Variants in TANK observed in about 807,000 individuals in gnomAD.
TANK encodes the protein TRAF family member-associated NF-kappa-B activator.
A neutral mutation model predicts 43.6 loss-of-function variants in TANK; 15 were observed. The ratio of observed to expected loss-of-function variants is 0.34; its 90% CI spans 0.23 to 0.53. TANK has a LOEUF of 0.53. TANK is among the 20% of genes least tolerant of loss of function. The pLI is 0.94. For missense variants in TANK, 417 were observed against 498.6 expected (o/e 0.84, Z 1.56); for synonymous variants, 162 against 178.2 (o/e 0.91, Z 0.73).
chr2:161,230,622 C>T (rs1442594552), intron 6 of TANK, among the ~76,000 whole-genome samples: 1 of 152,200 alleles, frequency 6.6e-6, no homozygotes, highest in African/African-American at 2.4e-5. Context: ...TCTAAGCAAA[C>T]TCACAGTTAT....
chr2:161,231,699 T>C, intron 7 of TANK, 148 bp downstream of exon 7: 3 of 716,264 alleles, frequency 4.2e-6, no homozygotes. Context: ...ACAAGTCCCA[T>C]AATAAATGAC....
chr2:161,138,715 T>C (rs1683658275), intron 1 of TANK, among the ~76,000 whole-genome samples: 1 of 152,230 alleles, frequency 6.6e-6, no homozygotes, highest in African/African-American at 2.4e-5. Flanking sequence ...GTCTAGTTAC[T>C]TCTTTTAAAC....
intron 2 of TANK, among the ~76,000 whole-genome samples, chr2:161,191,828 C>G (rs1417416302): frequency 1.3e-5 from 2 of 152,138 alleles, no homozygotes; most frequent in Non-Finnish European, 2.9e-5. Flanking sequence ...GAATCTCACT[C>G]TGTTGCCCAG....
chr2:161,205,041 AG>A (rs1329278767), intron 4 of TANK: 4 of 1,103,152 alleles, frequency 3.6e-6, no homozygotes, highest in Admixed American at 8.6e-5. Context: ...ACAAAGAAAT[AG>A]GGCTGGACAC....
intron 2 of TANK, 110 bp downstream of exon 2, chr2:161,179,871 A>G (rs1463218654): frequency 2.1e-5 from 30 of 1,395,442 alleles, no homozygotes; most frequent in Middle Eastern, 3.8e-4. Context: ...AAGAACTATA[A>G]TTACAGAAAT....
At chr2:161,180,536 G>A (rs531396429) in intron 2 of TANK, among the ~76,000 whole-genome samples, 4 of 152,086 alleles carry the variant, frequency 2.6e-5, no homozygotes, top group Non-Finnish European at 5.9e-5. Flanking sequence ...TATGTTCCAT[G>A]TTTCCATACG....
intron 1 of TANK, among the ~76,000 whole-genome samples, chr2:161,140,567 C>A (rs1683716825): frequency 6.6e-6 from 1 of 151,046 alleles, no homozygotes; most frequent in African/African-American, 2.4e-5. Flanking sequence ...TTTGCTTTAT[C>A]TTTGTTAATA....
At chr2:161,172,471 G>C (rs1489475773) in intron 1 of TANK, among the ~76,000 whole-genome samples, 2 of 150,232 alleles carry the variant, frequency 1.3e-5, no homozygotes, top group Admixed American at 6.7e-5. Flanking sequence ...CAATAGTGAA[G>C]GCATAGTTAT....
intron 2 of TANK, among the ~76,000 whole-genome samples, chr2:161,182,625 A>G (rs1191437885): frequency 6.6e-6 from 1 of 152,090 alleles, no homozygotes; most frequent in Non-Finnish European, 1.5e-5. Context: ...TGAGTTCTTC[A>G]TCTTTCTGTC....
At chr2:161,211,744 G>A in intron 4 of TANK, 1 of 985,182 alleles carries the variant, frequency 1.0e-6, no homozygotes, top group Non-Finnish European at 1.2e-6. Context: ...CAGAAATGGT[G>A]ATTATGCACA....
intron 4 of TANK, among the ~76,000 whole-genome samples, chr2:161,220,942 G>A (rs1344116432): frequency 6.6e-6 from 1 of 151,946 alleles, no homozygotes; most frequent in Admixed American, 6.6e-5. Context: ...AAATATCACT[G>A]CATATTCAAC....
chr2:161,232,806 G>A (rs1224939406), intron 7 of TANK: 1 of 1,550,648 alleles, frequency 6.4e-7, no homozygotes, highest in Non-Finnish European at 8.7e-7. Context: ...AAGGGAAACA[G>A]CTGGTATGTG....
intron 1 of TANK, among the ~76,000 whole-genome samples, chr2:161,165,698 A>C (rs1684648231): frequency 1.3e-5 from 2 of 152,302 alleles, no homozygotes; most frequent in South Asian, 4.1e-4. Context: ...TATTATGCAA[A>C]GTCCTTCTTT....
chr2:161,142,341 T>A (rs1217328365), intron 1 of TANK, among the ~76,000 whole-genome samples: 1 of 152,206 alleles, frequency 6.6e-6, no homozygotes, highest in Non-Finnish European at 1.5e-5. Flanking sequence ...ATCTGATTTG[T>A]CAATTTTGGC....
intron 2 of TANK, among the ~76,000 whole-genome samples, chr2:161,193,289 C>G (rs1686001453): frequency 2.0e-5 from 3 of 152,182 alleles, no homozygotes; most frequent in Admixed American, 2.0e-4. Flanking sequence ...ACAACTTTTA[C>G]TATGCTTACA....
chr2:161,173,994 G>A (rs1004473892), intron 1 of TANK, among the ~76,000 whole-genome samples: 1 of 152,144 alleles, frequency 6.6e-6, no homozygotes, highest in Non-Finnish European at 1.5e-5. Context: ...TGACTAGCAC[G>A]TAGTCACATG....
upstream of TANK, among the ~76,000 whole-genome samples, chr2:161,157,964 G>A (rs1176498132): frequency 2.0e-5 from 3 of 152,188 alleles, no homozygotes; most frequent in Admixed American, 6.5e-5. Flanking sequence ...GATTACAGGC[G>A]TGAGCCACTG....
At chr2:161,198,783 A>G (rs1281107482) in intron 2 of TANK, among the ~76,000 whole-genome samples, 1 of 152,244 alleles carries the variant, frequency 6.6e-6, no homozygotes, top group Non-Finnish European at 1.5e-5. Context: ...ACCATTTGGC[A>G]TGCTGAGAAA....
At position 161,194,867 on chromosome 2, in the gene TANK, CAACAT is replaced by C. The variant is rs1686075423; in HGVS notation, c.100-8618_100-8614del. On this transcript the variant is annotated intron_variant, in intron 2 of 7. Coordinates refer to ENST00000392749, the MANE Select transcript of TANK (RefSeq NM_001199135.3). The stretch of plus-strand genomic sequence containing the variant: ...TTTTTTTATGTTTTTTTTCCCCCAA[CAACAT>C]ATATACTCTATCCAAAGTGTTGATG... Among the ~76,000 whole-genome samples, 6 of 151,952 alleles carry C rather than the reference CAACAT, an allele frequency of 3.9e-5. No homozygotes were observed. In the South Asian group the frequency reaches 1.2e-3, roughly 32 times the overall value.
Sources: allele counts gnomAD v4.1 joint callset (sites outside exome capture counted in the v4.1 genomes callset), GRCh38; gene constraint gnomAD v4.1.1; transcripts MANE v1.5; gene names NCBI Gene and HGNC (gene_info 2026-07-23, HGNC 2026-07-21).